NCKAP5: variants seen among roughly 807,000 people sequenced by gnomAD.
The protein encoded by NCKAP5 is NCK associated protein 5.
Under a neutral mutation model 167.0 loss-of-function variants are expected in NCKAP5, and 92 were observed. That is an observed-to-expected ratio of 0.55 (90% confidence interval 0.47 to 0.66). The LOEUF (loss-of-function observed/expected upper bound fraction) is 0.66, where lower values mean the gene tolerates loss of function less well. Among genes scored for constraint, NCKAP5 ranks in the 30% least tolerant of loss-of-function variants. The pLI, the probability that NCKAP5 is intolerant of heterozygous loss-of-function variation, is 0.00. For missense variants in NCKAP5, 2,378 were observed against 2,315.0 expected (o/e 1.03, Z -0.56); for synonymous variants, 891 against 877.4 (o/e 1.02, Z -0.27).
the NCKAP5 span, among the ~76,000 whole-genome samples, chr2:133,576,088 A>T: frequency 3.3e-5 from 5 of 152,210 alleles, no homozygotes; most frequent in Non-Finnish European, 7.3e-5. Context: ...AGGTAAGGCA[A>T]AATAGGTAGA....
intron 3 of NCKAP5, among the ~76,000 whole-genome samples, chr2:133,453,025 A>G (rs1461721322): frequency 2.0e-5 from 3 of 152,178 alleles, no homozygotes; most frequent in Admixed American, 2.0e-4. Context: ...TGTATATACA[A>G]AGTAGTAGGA....
intron 8 of NCKAP5, among the ~76,000 whole-genome samples, chr2:132,963,365 T>C (rs924007994): frequency 6.6e-6 from 1 of 152,186 alleles, no homozygotes; most frequent in African/African-American, 2.4e-5. Context: ...ATATTTTGCT[T>C]AGTCATTCAT....
intron 4 of NCKAP5, among the ~76,000 whole-genome samples, chr2:133,247,057 C>A (rs1045156407): frequency 6.6e-5 from 10 of 152,146 alleles, no homozygotes; most frequent in Non-Finnish European, 1.5e-4. Flanking sequence ...TGAGGCCTTG[C>A]AAATAGAATC....
chr2:133,058,333 T>C (rs1375805213), intron 6 of NCKAP5, among the ~76,000 whole-genome samples: 1 of 152,178 alleles, frequency 6.6e-6, no homozygotes, highest in Non-Finnish European at 1.5e-5. Context: ...CTGCCACAGA[T>C]AGTGATTCCT....
chr2:133,445,422 GAC>G (rs950432763), intron 3 of NCKAP5, among the ~76,000 whole-genome samples: 18 of 152,248 alleles, frequency 1.2e-4, no homozygotes, highest in Admixed American at 1.0e-3. Context: ...AAAATCTTGT[GAC>G]ACAGTTATTA....
At chr2:133,496,449 T>C (rs1305978521) in intron 3 of NCKAP5, among the ~76,000 whole-genome samples, 1 of 152,200 alleles carries the variant, frequency 6.6e-6, no homozygotes, top group Non-Finnish European at 1.5e-5. Context: ...TGATTTTGCA[T>C]GTAACTTATA....
chr2:133,356,880 TC>T (rs1684753252), intron 3 of NCKAP5, among the ~76,000 whole-genome samples: 1 of 152,202 alleles, frequency 6.6e-6, no homozygotes, highest in African/African-American at 2.4e-5. Flanking sequence ...TCTAGGGAAT[TC>T]AGAGAGCCAT....
Position 133,141,037 on chromosome 2 carries a change from C to A in NCKAP5, c.208-10926G>T, listed in dbSNP as rs562239765. On this transcript the variant is annotated intron_variant, in intron 5 of 19. Transcript: ENST00000409261. Reference sequence around the variant, plus strand: ...CCACATGAATCCTCTTGACCCCCCACGACCTTAGTGGGCAGCTAGCTCTAG... The same window carrying A: ...CCACATGAATCCTCTTGACCCCCCAAGACCTTAGTGGGCAGCTAGCTCTAG... Among the ~76,000 whole-genome samples, 4 of 152,122 alleles carry A rather than the reference C, an allele frequency of 2.6e-5. 1 individual carries two copies. In the East Asian group the frequency reaches 7.7e-4, roughly 29 times the overall value.
intron 3 of NCKAP5, among the ~76,000 whole-genome samples, chr2:133,422,887 T>C (rs1246155839): frequency 6.6e-6 from 1 of 152,086 alleles, no homozygotes; most frequent in Non-Finnish European, 1.5e-5. Flanking sequence ...CTACCAAAAC[T>C]TACTGCAGTT....
intron 3 of NCKAP5, among the ~76,000 whole-genome samples, chr2:133,515,160 C>A (rs1428563477): frequency 6.6e-6 from 1 of 152,148 alleles, no homozygotes; most frequent in African/African-American, 2.4e-5. Flanking sequence ...GTCTAGCTTT[C>A]TTTCTGATAC....
the NCKAP5 span, among the ~76,000 whole-genome samples, chr2:133,653,202 AGCTTCT>A: frequency 6.6e-6 from 1 of 152,172 alleles, no homozygotes; most frequent in Non-Finnish European, 1.5e-5. Flanking sequence ...GCATTTTATC[AGCTTCT>A]TCAACACTCA....
chr2:133,475,359 C>A (rs1284042031), intron 3 of NCKAP5, among the ~76,000 whole-genome samples: 3 of 152,220 alleles, frequency 2.0e-5, no homozygotes, highest in Non-Finnish European at 4.4e-5. Context: ...CTTAGTCACA[C>A]TGTCCTTTCT....
intron 6 of NCKAP5, among the ~76,000 whole-genome samples, chr2:133,028,727 T>C (rs1302716247): frequency 6.6e-6 from 1 of 152,214 alleles, no homozygotes; most frequent in East Asian, 1.9e-4. Context: ...TACCCAAATC[T>C]CATGGTGAAT....
chr2:133,386,693 G>A (rs903343711), intron 3 of NCKAP5, among the ~76,000 whole-genome samples: 1 of 152,166 alleles, frequency 6.6e-6, no homozygotes, highest in African/African-American at 2.4e-5. Context: ...AAGTCTCTTT[G>A]TAGGTCTCTA....
At chr2:132,840,944 C>T (rs1391054286) in intron 11 of NCKAP5, among the ~76,000 whole-genome samples, 1 of 151,968 alleles carries the variant, frequency 6.6e-6, no homozygotes, top group Non-Finnish European at 1.5e-5. Flanking sequence ...CATTTCAAGC[C>T]CATATTGTTC....
chr2:133,208,766 C>T (rs1022991279), intron 5 of NCKAP5, among the ~76,000 whole-genome samples: 9 of 152,098 alleles, frequency 5.9e-5, no homozygotes, highest in African/African-American at 2.2e-4. Context: ...AGAAGATACA[C>T]AAAAACACTC....
Position 133,188,750 on chromosome 2 carries a change from C to T in NCKAP5, c.207+24966G>A, listed in dbSNP as rs553729833. Among the ~76,000 whole-genome samples the T allele has an allele frequency of 4.6e-5, 7 of 152,088 alleles. No individual in the cohort carries two copies. In the South Asian group the frequency reaches 1.2e-3, roughly 27 times the overall value. ...TTTGAAATCAATGAGAACAAAGACACAACACACCAGAATCTCTGGGGCACA... is the reference window on the plus strand; with the variant it reads ...TTTGAAATCAATGAGAACAAAGACATAACACACCAGAATCTCTGGGGCACA... On this transcript the variant is annotated intron_variant, in intron 5 of 19. Coordinates refer to ENST00000409261, the MANE Select transcript of NCKAP5 (RefSeq NM_207363.3).
Position 133,065,397 on chromosome 2 carries a change from C to T in NCKAP5, c.341+64581G>A, listed in dbSNP as rs182042434. ...ATCAAAACACTTTGGGAGGCTGAGGCGGGCAGATCACAAGGTCAACAGATC... is the reference window on the plus strand; with the variant it reads ...ATCAAAACACTTTGGGAGGCTGAGGTGGGCAGATCACAAGGTCAACAGATC... On this transcript the variant is annotated intron_variant, in intron 6 of 19. Transcript: ENST00000409261. Among the ~76,000 whole-genome samples the T allele has an allele frequency of 6.4e-4, 97 of 152,204 alleles. 1 individual carries two copies. The highest frequency in any genetic ancestry group is 3.4e-3 in the Middle Eastern group (1 of 294).
At chr2:133,630,007 CATT>C in the NCKAP5 span, among the ~76,000 whole-genome samples, 4 of 151,770 alleles carry the variant, frequency 2.6e-5, no homozygotes, top group African/African-American at 4.8e-5. Flanking sequence ...GGAGGGACAG[CATT>C]AGGAAAAATA....
Sources: gnomAD v4.1 joint callset for allele counts (sites outside exome capture counted in the v4.1 genomes callset) on GRCh38, gnomAD v4.1.1 for gene constraint, MANE v1.5 for transcripts, NCBI Gene and HGNC (gene_info 2026-07-23, HGNC 2026-07-21) for gene names.